The following ETV6 variants were observed in gnomAD, a reference collection of about 807,000 sequenced individuals.
ETV6 encodes the protein ETS variant transcription factor 6, also known as transcription factor ETV6.
In ETV6, 16 loss-of-function variants were observed where a neutral mutation model predicts 51.1. The observed-to-expected ratio is 0.31, with a 90% CI of 0.21 to 0.48. The LOEUF is 0.48. Ranked by LOEUF, ETV6 falls within the 20% of genes least tolerant of loss-of-function variation. ETV6 has a pLI of 0.99. For synonymous variants in ETV6, 240 were observed against 224.1 expected, an observed-to-expected ratio of 1.07 and a Z score of -0.64; for missense variants, 458 against 594.8, an observed-to-expected ratio of 0.77 and a Z score of 2.39.
intron 1 of ETV6, among the ~76,000 whole-genome samples, chr12:11,699,253 G>A (rs1347361719): frequency 6.6e-6 from 1 of 152,202 alleles, no homozygotes; most frequent in African/African-American, 2.4e-5. Flanking sequence ...GGGTTTGCAT[G>A]TATTGATAAC....
At chr12:11,751,594 A>T (rs1866030168) in intron 1 of ETV6, among the ~76,000 whole-genome samples, 1 of 151,844 alleles carries the variant, frequency 6.6e-6, no homozygotes, top group South Asian at 2.1e-4. Flanking sequence ...AATCCTTCTC[A>T]CCCCATCTAG....
intron 2 of ETV6, among the ~76,000 whole-genome samples, chr12:11,795,411 T>A (rs939667051): frequency 6.6e-6 from 1 of 152,238 alleles, no homozygotes; most frequent in African/African-American, 2.4e-5. Context: ...GAGCACCAGC[T>A]GTTCTGGCCT....
At chr12:11,660,598 C>A (rs78236707) in intron 1 of ETV6, among the ~76,000 whole-genome samples, 1,160 of 106,326 alleles carry the variant, frequency 0.011, no homozygotes, top group Admixed American at 0.011. Flanking sequence ...GACTCTGTCT[C>A]AAAAAAAAAA....
chr12:11,809,033 C>T (rs1945871314), intron 2 of ETV6, among the ~76,000 whole-genome samples: 1 of 151,998 alleles, frequency 6.6e-6, no homozygotes, highest in Admixed American at 6.6e-5. Flanking sequence ...GGTGTGATGG[C>T]ACGCGCCTGT....
intron 1 of ETV6, among the ~76,000 whole-genome samples, chr12:11,720,521 G>A (rs1334774876): frequency 6.6e-6 from 1 of 152,160 alleles, no homozygotes; most frequent in East Asian, 1.9e-4. Context: ...TAGCTGGCTA[G>A]CCATATGCAG....
chr12:11,755,574 A>G (rs954412108), intron 2 of ETV6, among the ~76,000 whole-genome samples: 3 of 152,142 alleles, frequency 2.0e-5, no homozygotes, highest in African/African-American at 7.2e-5. Flanking sequence ...ATCCTGTTTG[A>G]GAGGAGCATA....
At chr12:11,783,231 A>G (rs1945436539) in intron 2 of ETV6, among the ~76,000 whole-genome samples, 1 of 152,130 alleles carries the variant, frequency 6.6e-6, no homozygotes, top group South Asian at 2.1e-4. Context: ...AGGGCTCCCC[A>G]GAGAGACAGG....
At chr12:11,799,569 T>C (rs1945719083) in intron 2 of ETV6, among the ~76,000 whole-genome samples, 1 of 152,152 alleles carries the variant, frequency 6.6e-6, no homozygotes, top group Admixed American at 6.5e-5. Flanking sequence ...GGAAACGTTA[T>C]GGAACTGTTA....
At chr12:11,663,949 A>G (rs184053352) in intron 1 of ETV6, among the ~76,000 whole-genome samples, 1 of 152,366 alleles carries the variant, frequency 6.6e-6, no homozygotes, top group East Asian at 1.9e-4. Context: ...AACTTCAAAA[A>G]GCTTCAGTGT....
At chr12:11,723,772 T>C (rs1337856388) in intron 1 of ETV6, among the ~76,000 whole-genome samples, 1 of 152,188 alleles carries the variant, frequency 6.6e-6, no homozygotes, top group Non-Finnish European at 1.5e-5. Flanking sequence ...GGGGCCCACA[T>C]GTCAAGACAA....
chr12:11,837,853 A>G (rs193162652), intron 2 of ETV6, among the ~76,000 whole-genome samples: 1 of 152,268 alleles, frequency 6.6e-6, no homozygotes, highest in Non-Finnish European at 1.5e-5. Context: ...TCTCCTTTTG[A>G]TTCTTAAAAA....
At position 11,790,073 on chromosome 12, in the gene ETV6, A is replaced by T. The variant is rs187214456; in HGVS notation, c.163+37494A>T. ...AATATTTTAAGTTCCTCTTGGAGAG[A>T]TTCCTCAACCTTTTTTGTCAGCACT... On this transcript the variant is annotated intron_variant, in intron 2 of 7. Coordinates refer to ENST00000396373, the MANE Select transcript of ETV6 (RefSeq NM_001987.5). Among the ~76,000 whole-genome samples the T allele has an allele frequency of 5.1e-4, 74 of 143,870 alleles. 1 individual carries two copies. The East Asian group carries it at 0.01, about 20-fold the overall frequency. 94.4% of individuals were successfully genotyped at this position (143,870 alleles called of 152,430 possible). A position where few individuals can be genotyped will look rare whatever the true frequency, so the allele number is the denominator to read the frequency against.
intron 2 of ETV6, among the ~76,000 whole-genome samples, chr12:11,822,746 G>C (rs976766835): frequency 6.6e-6 from 1 of 152,192 alleles, no homozygotes; most frequent in Non-Finnish European, 1.5e-5. Flanking sequence ...AAGAGGGAGT[G>C]GGGGAAGTAA....
At chr12:11,799,192 G>A (rs1945714581) in intron 2 of ETV6, among the ~76,000 whole-genome samples, 1 of 152,316 alleles carries the variant, frequency 6.6e-6, no homozygotes, top group Middle Eastern at 3.4e-3. Flanking sequence ...CATGTAGCCC[G>A]AGGAGAGAAT....
intron 4 of ETV6, among the ~76,000 whole-genome samples, chr12:11,868,166 T>C (rs527336789): frequency 1.3e-5 from 2 of 152,292 alleles, no homozygotes; most frequent in East Asian, 3.9e-4. Flanking sequence ...TTCTGTAAAT[T>C]GGGGCCACTG....
At chr12:11,751,718 T>C (rs1591649373) in intron 1 of ETV6, 2 of 382,908 alleles carry the variant, frequency 5.2e-6, no homozygotes, top group East Asian at 1.4e-4. Context: ...GTACTTCTTT[T>C]AAATTCAGAT....
At chr12:11,769,109 G>A (rs1189097309) in intron 2 of ETV6, 4 of 366,612 alleles carry the variant, frequency 1.1e-5, no homozygotes, top group African/African-American at 2.1e-5. Context: ...CAGTAGAGTA[G>A]TAATTACAGG....
At position 11,884,533 on chromosome 12, in the gene ETV6, A is replaced by AAT; in HGVS notation, c.1101_1102dup (p.Phe368TyrfsTer4). The AAT allele has an allele frequency of 6.2e-7, 1 of 1,614,194 alleles. No homozygotes were observed. Among genetic ancestry groups the AAT allele is most frequent in the Non-Finnish European group, 8.5e-7 (1 of 1,180,028 alleles). On this transcript the variant is annotated frameshift_variant, in exon 6 of 8. Transcript: ENST00000396373. LOFTEE classifies it high-confidence loss of function. Reference sequence around the variant, plus strand: ...TCCGATGGGAGGACAAAGAATCCAAAATATTCCGGATAGTGGATCCCAACG... The same window carrying AAT: ...TCCGATGGGAGGACAAAGAATCCAAAATATATTCCGGATAGTGGATCCCAACG...
intron 2 of ETV6, among the ~76,000 whole-genome samples, chr12:11,800,082 G>T (rs1161362662): frequency 1.3e-5 from 2 of 152,148 alleles, no homozygotes; most frequent in Non-Finnish European, 2.9e-5. Flanking sequence ...TCAGCTGGTG[G>T]CAATTTACAT....
Sources: allele counts gnomAD v4.1 joint callset (sites outside exome capture counted in the v4.1 genomes callset), GRCh38; gene constraint gnomAD v4.1.1; transcripts MANE v1.5; gene names NCBI Gene and HGNC (gene_info 2026-07-23, HGNC 2026-07-21).